VPS33A: variants seen among roughly 807,000 people sequenced by gnomAD.
VPS33A encodes vacuolar protein sorting-associated protein 33A.
Under a neutral mutation model 71.8 loss-of-function variants are expected in VPS33A, and 32 were observed. That is an observed-to-expected ratio of 0.45 (90% CI 0.34 to 0.60). The LOEUF is 0.60. VPS33A is among the 20% of genes least tolerant of loss of function. The pLI is 0.02. For missense variants in VPS33A, 625 were observed against 748.5 expected, an observed-to-expected ratio of 0.84 and a Z score of 1.92; for synonymous variants, 311 against 292.7, an observed-to-expected ratio of 1.06 and a Z score of -0.64.
intron 6 of VPS33A, among the ~76,000 whole-genome samples, chr12:122,246,029 A>C (rs1052045329): frequency 6.6e-6 from 1 of 152,192 alleles, no homozygotes; most frequent in African/African-American, 2.4e-5. Flanking sequence ...CTGCCAAGCC[A>C]AGTGAGTCCC....
At chr12:122,261,149 C>T in intron 4 of VPS33A, 112 bp downstream of exon 4, 1 of 908,642 alleles carries the variant, frequency 1.1e-6, no homozygotes, top group Non-Finnish European at 1.6e-6. Flanking sequence ...TCTTAAACAT[C>T]AATAAACATA....
intron 4 of VPS33A, among the ~76,000 whole-genome samples, chr12:122,256,137 T>C (rs1954914936): frequency 6.6e-6 from 1 of 152,084 alleles, no homozygotes; most frequent in Non-Finnish European, 1.5e-5. Context: ...CCCCCTTTTG[T>C]GAAAACTGTC....
intron 9 of VPS33A, 83 bp from the exon 10 acceptor site, chr12:122,238,807 A>ACACACACACACACAC: frequency 1.7e-6 from 2 of 1,144,420 alleles, no homozygotes; most frequent in African/African-American, 1.7e-5. Context: ...ACACACACAC[A>ACACACACACACACAC]ATACATGGTT....
intron 6 of VPS33A, chr12:122,248,281 T>C (rs750873053): frequency 1.2e-4 from 18 of 152,360 alleles, no homozygotes; most frequent in Non-Finnish European, 2.5e-4. Flanking sequence ...AGGATGGCAA[T>C]AGAGGCCGGG....
chr12:122,250,375 C>T (rs1465601635), intron 5 of VPS33A, among the ~76,000 whole-genome samples: 1 of 152,178 alleles, frequency 6.6e-6, no homozygotes, highest in Non-Finnish European at 1.5e-5. Context: ...ACTTAGGTTC[C>T]TGGGAGCCTC....
intron 6 of VPS33A, chr12:122,249,623 C>T (rs965810833): frequency 3.1e-6 from 1 of 321,802 alleles, no homozygotes; most frequent in African/African-American, 2.1e-5. Flanking sequence ...CCTCACTGAT[C>T]CTCTTTTTTG....
intron 10 of VPS33A, 116 bp from the exon 11 acceptor site, chr12:122,236,039 A>G: frequency 7.6e-7 from 1 of 1,318,952 alleles, no homozygotes; most frequent in East Asian, 2.5e-5. Context: ...ATGTTACCAA[A>G]GTCCAGCAAT....
At chr12:122,232,578 A>AT (rs35390554) in intron 12 of VPS33A, 151 bp from the exon 13 acceptor site, 175 of 1,037,856 alleles carry the variant, frequency 1.7e-4, no homozygotes, top group Non-Finnish European at 2.1e-4. Flanking sequence ...TGATCTCAAC[A>AT]TTTTTTTTTA....
intron 7 of VPS33A, among the ~76,000 whole-genome samples, 192 bp downstream of exon 7, chr12:122,244,377 A>G (rs529294581): frequency 2.0e-5 from 3 of 152,346 alleles, no homozygotes; most frequent in Middle Eastern, 6.8e-3. Context: ...AACTTTACGC[A>G]ACGCGGGTCT....
intron 2 of VPS33A, 51 bp downstream of exon 2, chr12:122,264,083 C>A: frequency 7.0e-7 from 1 of 1,420,558 alleles, no homozygotes; most frequent in South Asian, 1.4e-5. Flanking sequence ...ATTGTAACTG[C>A]TAAAGTACAG....
intron 3 of VPS33A, among the ~76,000 whole-genome samples, chr12:122,262,679 T>A (rs1955012470): frequency 1.3e-5 from 2 of 152,036 alleles, no homozygotes; most frequent in Non-Finnish European, 2.9e-5. Context: ...TTTATTTTTT[T>A]AAACTAGGGC....
At chr12:122,234,989 CTTTA>C (rs973689744) in intron 11 of VPS33A, among the ~76,000 whole-genome samples, 1 of 152,132 alleles carries the variant, frequency 6.6e-6, no homozygotes, top group Non-Finnish European at 1.5e-5. Context: ...CTTCCCACAT[CTTTA>C]TTTATTTGAG....
chr12:122,259,813 T>C (rs1240685043), intron 4 of VPS33A, among the ~76,000 whole-genome samples: 3 of 151,634 alleles, frequency 2.0e-5, no homozygotes, highest in Non-Finnish European at 4.4e-5. Flanking sequence ...CCAGAATAAG[T>C]TCAAAACCAG....
chr12:122,232,017 A>C lies in VPS33A; in HGVS notation c.*229T>G. 1 of 458,272 alleles carries C rather than the reference A, an allele frequency of 2.2e-6. No individual in the cohort carries two copies. The allele number at this position is 458,272 out of a possible 1,614,324, so 28.4% of individuals were successfully genotyped here. A position where few individuals can be genotyped will look rare whatever the true frequency, so the allele number is the denominator to read the frequency against. On this transcript the variant is annotated 3_prime_UTR_variant, in exon 13 of 13. Coordinates refer to ENST00000267199, the MANE Select transcript of VPS33A (RefSeq NM_022916.6). Reference sequence around the variant, plus strand: ...GGTTGCAGTGAGGTGAGACCGTGCCACTGCACTCTAGTCTGGGTGACAGAG... The same window carrying C: ...GGTTGCAGTGAGGTGAGACCGTGCCCCTGCACTCTAGTCTGGGTGACAGAG...
At chr12:122,260,962 G>C (rs567137899) in intron 4 of VPS33A, among the ~76,000 whole-genome samples, 1 of 152,214 alleles carries the variant, frequency 6.6e-6, no homozygotes, top group Admixed American at 6.5e-5. Flanking sequence ...GCGACAGAGC[G>C]AGACTCCGTC....
intron 4 of VPS33A, among the ~76,000 whole-genome samples, chr12:122,258,215 C>A (rs1372810364): frequency 6.6e-6 from 1 of 151,902 alleles, no homozygotes; most frequent in Non-Finnish European, 1.5e-5. Flanking sequence ...CATAGTGAGA[C>A]CTGTCTCTTT....
At chr12:122,249,116 A>G (rs1012890495) in intron 6 of VPS33A, 2 of 152,222 alleles carry the variant, frequency 1.3e-5, no homozygotes, top group Admixed American at 1.3e-4. Flanking sequence ...TATTATAAAT[A>G]TAGTTTGGAA....
At chr12:122,248,047 C>T (rs1798357002) in intron 6 of VPS33A, 1 of 145,096 alleles carries the variant, frequency 6.9e-6, no homozygotes, top group Non-Finnish European at 1.5e-5. Flanking sequence ...CAGGCATGCG[C>T]CACCAAATCC....
At chr12:122,263,469 C>T in intron 3 of VPS33A, 103 bp downstream of exon 3, 1 of 1,393,958 alleles carries the variant, frequency 7.2e-7, no homozygotes, top group Non-Finnish European at 9.5e-7. Context: ...CAAAAGACCA[C>T]CTTGCACTGG....
Sources: allele counts gnomAD v4.1 joint callset (sites outside exome capture counted in the v4.1 genomes callset), GRCh38; gene constraint gnomAD v4.1.1; transcripts MANE v1.5; gene names NCBI Gene and HGNC (gene_info 2026-07-23, HGNC 2026-07-21).